The following CNTFR variants were observed in gnomAD, a reference collection of about 807,000 sequenced individuals.
The protein encoded by CNTFR is ciliary neurotrophic factor receptor subunit alpha.
In CNTFR, 12 loss-of-function variants were observed where a neutral mutation model predicts 40.4. That is an observed-to-expected ratio of 0.30 (90% CI 0.19 to 0.48). The LOEUF (loss-of-function observed/expected upper bound fraction) is 0.48, where lower values mean the gene tolerates loss of function less well. CNTFR is among the 20% of genes least tolerant of loss of function. The pLI is 0.99. For missense variants in CNTFR, 414 were observed against 506.8 expected (o/e 0.82, Z 1.76); for synonymous variants, 202 against 209.6 (o/e 0.96, Z 0.31).
At chr9:34,564,549 G>T in intron 4 of CNTFR, 50 bp downstream of exon 4, 1 of 1,498,986 alleles carries the variant, frequency 6.7e-7, no homozygotes, top group Non-Finnish European at 9.1e-7. Context: ...CTAGGAGTCT[G>T]GGTCTCAAGG....
intron 4 of CNTFR, 69 bp from the exon 5 acceptor site, chr9:34,558,053 G>T: frequency 8.8e-7 from 1 of 1,130,682 alleles, no homozygotes; most frequent in Non-Finnish European, 1.2e-6. Flanking sequence ...ATGGGGACAG[G>T]TGGGCCCCAG....
chr9:34,553,475 C>T (rs1300562697), intron 7 of CNTFR, among the ~76,000 whole-genome samples: 1 of 152,216 alleles, frequency 6.6e-6, no homozygotes, highest in Non-Finnish European at 1.5e-5. Flanking sequence ...CAGCATCAAA[C>T]ACACTTCAGC....
intron 1 of CNTFR, among the ~76,000 whole-genome samples, chr9:34,585,586 A>T (rs1827503802): frequency 6.6e-6 from 1 of 152,144 alleles, no homozygotes. Flanking sequence ...CCAACCGGGC[A>T]CAGCTCTGTG....
At chr9:34,571,181 A>G (rs899305944) in intron 2 of CNTFR, among the ~76,000 whole-genome samples, 1 of 152,242 alleles carries the variant, frequency 6.6e-6, no homozygotes, top group Non-Finnish European at 1.5e-5. Context: ...CAAGCCGTGC[A>G]GCCAGGAAAT....
At chr9:34,563,547 C>T (rs1826156004) in intron 4 of CNTFR, among the ~76,000 whole-genome samples, 1 of 152,266 alleles carries the variant, frequency 6.6e-6, no homozygotes, top group Non-Finnish European at 1.5e-5. Flanking sequence ...CACGGTATTT[C>T]CTTCACCTGC....
Position 34,557,871 on chromosome 9 carries a change from C to G in CNTFR, c.433G>C (p.Val145Leu). Residue 145 changes from valine (V) to leucine (L), a missense_variant, in exon 5 of 10, where the codon GTG becomes CTG. Transcript: ENST00000378980. The surrounding 1 kb of genome is among the most constrained non-coding windows in gnomAD (Gnocchi z 4.2). ...TYIPNTFNVT[V>L]LHGSKIMVCE... ...GTCACAGGCGCAGCTACTCACAGCA[C>G]AGTCACATTGAAGGTGTTGGGAATG... The G allele has an allele frequency of 6.4e-7, 1 of 1,563,090 alleles. No homozygotes were observed. Among genetic ancestry groups the G allele is most frequent in the Non-Finnish European group, 8.7e-7 (1 of 1,153,080 alleles).
In CNTFR at chr9:34,567,730, TAGAC is replaced by T. The variant is rs562357311; in HGVS notation, c.85+1163_85+1166del. Among the ~76,000 whole-genome samples, 1,286 of 152,160 alleles carry T rather than the reference TAGAC, an allele frequency of 8.5e-3. 6 individuals carry two copies. Among genetic ancestry groups the T allele is most frequent in the Non-Finnish European group, 0.014 (922 of 68,002 alleles). On this transcript the variant is annotated intron_variant, in intron 3 of 9. Coordinates refer to ENST00000378980, the MANE Select transcript of CNTFR (RefSeq NM_147164.3). ...GGGCATGCAGACAGGCAAGGTGACA[TAGAC>T]AGACAATGTCACACGTGAGGAACAG...
At position 34,557,402 on chromosome 9, in the gene CNTFR, C is replaced by T; in HGVS notation, c.604+124G>A. ...GCACATATATGTGCACTGTACATAC[C>T]TGTGCAGAGGCATGTACATGCCATG... On this transcript the variant is annotated intron_variant, in intron 6 of 9. Transcript: ENST00000378980. This position sits in a 1 kb window ranked among gnomAD's most constrained non-coding sequence, Gnocchi z 4.2. The T allele has an allele frequency of 9.6e-7, 1 of 1,042,688 alleles. No individual in the cohort carries two copies. The highest frequency in any genetic ancestry group is 1.4e-6 in the Non-Finnish European group (1 of 702,980). The allele number at this position is 1,042,688 out of a possible 1,614,324, so 64.6% of individuals were successfully genotyped here. A position where few individuals can be genotyped will look rare whatever the true frequency, so the allele number is the denominator to read the frequency against.
intron 1 of CNTFR, among the ~76,000 whole-genome samples, chr9:34,587,649 C>T (rs556619277): frequency 2.2e-4 from 33 of 152,250 alleles, no homozygotes; most frequent in African/African-American, 6.5e-4. Context: ...GTGTCCTCAG[C>T]GAGTCCTTGA....
In CNTFR at chr9:34,557,935, C is replaced by T; in HGVS notation, c.369G>A (p.Lys123=). The T allele has an allele frequency of 1.3e-6, 2 of 1,573,676 alleles. No individual in the cohort carries two copies. The highest frequency in any genetic ancestry group is 1.7e-6 in the Non-Finnish European group (2 of 1,159,760). Reference sequence around the variant, plus strand: ...GCAGATGCCAGCTGCAGTAGAAGCCCTTGGGGTAAGTGTTGGAGCGGCAGC... The same window carrying T: ...GCAGATGCCAGCTGCAGTAGAAGCCTTTGGGGTAAGTGTTGGAGCGGCAGC... The part of the protein sequence containing the change: ...VLSCRSNTYP[K]GFYCSWHLPT... Residue 123 remains lysine (K), a synonymous_variant, in exon 5 of 10, where the codon AAG becomes AAA. Coordinates refer to ENST00000378980, the MANE Select transcript of CNTFR (RefSeq NM_147164.3). This position sits in a 1 kb window ranked among gnomAD's most constrained non-coding sequence, Gnocchi z 4.2.
chr9:34,562,934 T>C (rs1826127680), intron 4 of CNTFR, among the ~76,000 whole-genome samples: 1 of 152,184 alleles, frequency 6.6e-6, no homozygotes, highest in African/African-American at 2.4e-5. Flanking sequence ...TTGTGGCTCA[T>C]TTCCCTCCAT....
rs943652509 is a variant in CNTFR at position 34,589,373 on chromosome 9, G to T, written c.-112+182C>A. Among the ~76,000 whole-genome samples, 2 of 152,062 alleles carry T rather than the reference G, an allele frequency of 1.3e-5. No homozygotes were observed. The highest frequency in any genetic ancestry group is 1.5e-5 in the Non-Finnish European group (1 of 67,976). On this transcript the variant is annotated intron_variant, in intron 1 of 9. Transcript: ENST00000378980. This position sits in a 1 kb window ranked among gnomAD's most constrained non-coding sequence, Gnocchi z 4.4. ...CCGGAGCGCCCGGACGTGGGGGGCC[G>T]CTCCTCCAGCGCCCCCGCCCCCGAG...
chr9:34,564,509 C>A (rs1826195651), intron 4 of CNTFR, 90 bp downstream of exon 4: 3 of 1,193,452 alleles, frequency 2.5e-6, no homozygotes, highest in South Asian at 2.7e-5. Flanking sequence ...CTCTCCATGT[C>A]CCCCTAACAG....
At chr9:34,583,928 G>A (rs1827437279) in intron 1 of CNTFR, among the ~76,000 whole-genome samples, 1 of 152,274 alleles carries the variant, frequency 6.6e-6, no homozygotes, top group South Asian at 2.1e-4. Flanking sequence ...TGGAACCACT[G>A]TGCAGCTCCC....
chr9:34,564,910 A>G (rs1186395249), intron 3 of CNTFR, 78 bp from the exon 4 acceptor site: 73 of 1,270,474 alleles, frequency 5.7e-5, no homozygotes, highest in Non-Finnish European at 7.7e-5. Context: ...GTGCTCAGAC[A>G]AGAGCCTGTG....
chr9:34,576,650 A>G (rs1293906469), intron 2 of CNTFR, among the ~76,000 whole-genome samples: 1 of 152,236 alleles, frequency 6.6e-6, no homozygotes, highest in Non-Finnish European at 1.5e-5. Flanking sequence ...TGCTTTCAAC[A>G]GCATTAGGGA....
chr9:34,560,261 A>G (rs1486570815), intron 4 of CNTFR, among the ~76,000 whole-genome samples: 1 of 152,112 alleles, frequency 6.6e-6, no homozygotes, highest in Admixed American at 6.5e-5. Flanking sequence ...TTGGAGGAAA[A>G]GCTGTTTTTA....
rs10972146 is a variant in CNTFR, at chr9:34,557,250, C to A, written c.604+276G>T. On this transcript the variant is annotated intron_variant, in intron 6 of 9. Coordinates refer to ENST00000378980, the MANE Select transcript of CNTFR (RefSeq NM_147164.3). The surrounding 1 kb of genome is among the most constrained non-coding windows in gnomAD (Gnocchi z 4.2). ...AAGGGTCTGGCCCAGCCTGCCCCCC[C>A]TTCCCCCTGCTGCATGTTCTGGGAG... is the stretch of plus-strand genomic sequence containing the variant. 6.6e-6 allele frequency among the ~76,000 whole-genome samples: 1 copy of A among 152,182 alleles called. No individual in the cohort carries two copies. The highest frequency in any genetic ancestry group is 6.5e-5 in the Admixed American group (1 of 15,286).
chr9:34,582,779 A>G (rs1827366798), intron 1 of CNTFR: 1 of 152,346 alleles, frequency 6.6e-6, no homozygotes, highest in African/African-American at 2.4e-5. Context: ...ATTAGGCCAA[A>G]GAATGAGAGA....
Sources: allele counts gnomAD v4.1 joint callset (sites outside exome capture counted in the v4.1 genomes callset), GRCh38; gene constraint gnomAD v4.1.1; non-coding constraint Gnocchi (gnomAD v3.1); transcripts MANE v1.5; gene names NCBI Gene and HGNC (gene_info 2026-07-23, HGNC 2026-07-21).